The following ZCWPW1 variants were observed in gnomAD, a reference collection of about 807,000 sequenced individuals.
The protein encoded by ZCWPW1 is zinc finger CW-type and PWWP domain containing 1, also known as zinc finger CW-type PWWP domain protein 1.
A neutral mutation model predicts 81.3 loss-of-function variants in ZCWPW1; 56 were observed. That is an observed-to-expected ratio of 0.69 (90% CI 0.56 to 0.86). The LOEUF is 0.86. Among genes scored for constraint, ZCWPW1 ranks in the 40% least tolerant of loss-of-function variants. The pLI is 0.00. For missense variants in ZCWPW1, 650 were observed against 769.8 expected, an observed-to-expected ratio of 0.84 and a Z score of 1.84; for synonymous variants, 250 against 273.7, an observed-to-expected ratio of 0.91 and a Z score of 0.86.
At chr7:100,402,246 T>G in intron 16 of ZCWPW1, 1 of 808,764 alleles carries the variant, frequency 1.2e-6, no homozygotes, top group Admixed American at 2.1e-5. Context: ...CTTCTTCTCT[T>G]TACAGTTCTC....
intron 2 of ZCWPW1, 102 bp from the exon 3 acceptor site, chr7:100,420,780 T>A (rs539044855): frequency 1.8e-6 from 2 of 1,104,300 alleles, no homozygotes; most frequent in African/African-American, 1.6e-5. Flanking sequence ...ACCTCTGAAC[T>A]AGGTTTCTGC....
chr7:100,409,875 C>T (rs1052343948), intron 8 of ZCWPW1, among the ~76,000 whole-genome samples: 1 of 152,172 alleles, frequency 6.6e-6, no homozygotes, highest in Non-Finnish European at 1.5e-5. Flanking sequence ...TGAAAGGTTG[C>T]CTGGCATCTT....
chr7:100,428,362 G>A (rs998476008), intron 1 of ZCWPW1, among the ~76,000 whole-genome samples: 1 of 152,192 alleles, frequency 6.6e-6, no homozygotes, highest in African/African-American at 2.4e-5. Context: ...CGCAGCTGAG[G>A]TAAATCCGCC....
intron 13 of ZCWPW1, among the ~76,000 whole-genome samples, chr7:100,404,449 A>G (rs1792567339): frequency 6.6e-6 from 1 of 152,048 alleles, no homozygotes; most frequent in South Asian, 2.1e-4. Flanking sequence ...CAACCTCCCC[A>G]TCCCTGGCTC....
At position 100,405,768 on chromosome 7, in the gene ZCWPW1, A is replaced by G. The variant is rs138019784; in HGVS notation, c.1174-675T>C. Among the ~76,000 whole-genome samples, 67 of 152,258 alleles carry G rather than the reference A, an allele frequency of 4.4e-4. 1 individual carries two copies. The East Asian group carries it at 0.013, about 29-fold the overall frequency. On this transcript the variant is annotated intron_variant, in intron 12 of 17. Transcript: ENST00000684423. ...TGCCTCAGCCTCCTGCTGGGACTAC[A>G]GGCACACACCACCATGCCCAGCAAA...
chr7:100,412,349 A>G (rs544154255), intron 8 of ZCWPW1, among the ~76,000 whole-genome samples: 118 of 152,174 alleles, frequency 7.8e-4, no homozygotes, highest in African/African-American at 2.8e-3. Flanking sequence ...AATGTACCCA[A>G]ACCTGAATGC....
At chr7:100,418,230 T>G (rs941220480) in intron 5 of ZCWPW1, among the ~76,000 whole-genome samples, 4 of 152,132 alleles carry the variant, frequency 2.6e-5, no homozygotes, top group African/African-American at 7.2e-5. Flanking sequence ...TCTAACCACA[T>G]GCAAAATCGG....
chr7:100,420,835 T>C (rs1796223759), intron 2 of ZCWPW1, among the ~76,000 whole-genome samples, 157 bp from the exon 3 acceptor site: 3 of 152,180 alleles, frequency 2.0e-5, no homozygotes, highest in Non-Finnish European at 2.9e-5. Flanking sequence ...CAGGGAATAA[T>C]GAGTTACTGT....
chr7:100,419,618 T>C lies in ZCWPW1; in HGVS notation c.282+12A>G, dbSNP rs773050847. On this transcript the variant is annotated intron_variant, in intron 4 of 17. Coordinates refer to ENST00000684423, the MANE Select transcript of ZCWPW1 (RefSeq NM_001386010.1). ...AAAATCTCCTACCAGAGCCCACCACTATGACTGGTACCTTTTCTTTCTTCT... is the reference window on the plus strand; with the variant it reads ...AAAATCTCCTACCAGAGCCCACCACCATGACTGGTACCTTTTCTTTCTTCT... The C allele has an allele frequency of 6.2e-7, 1 of 1,604,534 alleles. No homozygotes were observed. Among genetic ancestry groups the C allele is most frequent in the Admixed American group, 1.7e-5 (1 of 58,074 alleles).
intron 2 of ZCWPW1, among the ~76,000 whole-genome samples, chr7:100,421,014 G>C (rs958402055): frequency 6.6e-6 from 1 of 152,178 alleles, no homozygotes; most frequent in Non-Finnish European, 1.5e-5. Context: ...AGCCAGTGTG[G>C]TGGCATGCGC....
At chr7:100,406,141 G>C (rs979341488) in intron 12 of ZCWPW1, among the ~76,000 whole-genome samples, 1 of 152,156 alleles carries the variant, frequency 6.6e-6, no homozygotes, top group African/African-American at 2.4e-5. Context: ...AACCCAAAGT[G>C]ACTACAGGGA....
chr7:100,418,214 T>G (rs1795707284), intron 5 of ZCWPW1, among the ~76,000 whole-genome samples: 1 of 152,144 alleles, frequency 6.6e-6, no homozygotes, highest in Non-Finnish European at 1.5e-5. Flanking sequence ...TTCCAAAAAC[T>G]AAATCTCTAA....
At chr7:100,419,542 C>T (rs1795971443) in intron 4 of ZCWPW1, 88 bp downstream of exon 4, 4 of 1,509,366 alleles carry the variant, frequency 2.7e-6, no homozygotes, top group Non-Finnish European at 3.5e-6. Context: ...TGAATTTCCC[C>T]AGTGTGAAAA....
chr7:100,413,938 A>G (rs1225988821), intron 8 of ZCWPW1, among the ~76,000 whole-genome samples: 1 of 152,126 alleles, frequency 6.6e-6, no homozygotes, highest in African/African-American at 2.4e-5. Flanking sequence ...AATGACACCA[A>G]TTTATTTGAG....
intron 16 of ZCWPW1, 21 bp from the exon 17 acceptor site, chr7:100,402,062 T>C: frequency 6.3e-7 from 1 of 1,590,008 alleles, no homozygotes; most frequent in Non-Finnish European, 8.6e-7. Context: ...GGGAAATGCG[T>C]TTATTTCTCT....
chr7:100,419,923 A>C (rs1796044670), intron 3 of ZCWPW1, 40 bp from the exon 4 acceptor site: 1 of 1,468,846 alleles, frequency 6.8e-7, no homozygotes, highest in Non-Finnish European at 9.2e-7. Flanking sequence ...TGAAACATAC[A>C]GTCTAACAGA....
At chr7:100,417,029 A>C (rs747829219) in intron 6 of ZCWPW1, 37 bp downstream of exon 6, 2 of 1,444,504 alleles carry the variant, frequency 1.4e-6, no homozygotes, top group South Asian at 1.1e-5. Flanking sequence ...TGTGTAGTCC[A>C]TTCTGTGTTC....
In ZCWPW1 at chr7:100,409,344, T is replaced by C. The variant is rs971008895; in HGVS notation, c.871+84A>G. Reference sequence around the variant, plus strand: ...ACACTGAGTGCTAACTATATTTACGTAGTATTTAATCTAAAGGATAAGTGC... The same window carrying C: ...ACACTGAGTGCTAACTATATTTACGCAGTATTTAATCTAAAGGATAAGTGC... On this transcript the variant is annotated intron_variant, in intron 9 of 17. Transcript: ENST00000684423. 12 of 1,069,148 alleles carry C rather than the reference T, an allele frequency of 1.1e-5. No homozygotes were observed. The African/African-American group carries it at 1.4e-4, about 13-fold the overall frequency. 66.2% of individuals were successfully genotyped at this position (1,069,148 alleles called of 1,614,324 possible).
Position 100,417,958 on chromosome 7 carries a change from C to T in ZCWPW1, c.362-775G>A, listed in dbSNP as rs374474392. Among the ~76,000 whole-genome samples the T allele has an allele frequency of 3.9e-5, 6 of 151,946 alleles. No homozygotes were observed. In the South Asian group the frequency reaches 6.2e-4, roughly 16 times the overall value. On this transcript the variant is annotated intron_variant, in intron 5 of 17. Transcript: ENST00000684423. ...GGAGTGAGGTGGCGAAATCTCGGCT[C>T]ACTGCAACTTCCGCCTCCCAGGTTC... is the stretch of plus-strand genomic sequence containing the variant.
Sources: allele counts gnomAD v4.1 joint callset (sites outside exome capture counted in the v4.1 genomes callset), GRCh38; gene constraint gnomAD v4.1.1; transcripts MANE v1.5; gene names NCBI Gene and HGNC (gene_info 2026-07-23, HGNC 2026-07-21).